Variants in SLCO1B1 observed in about 807,000 individuals in gnomAD.
SLCO1B1 encodes the protein OATP-2.
A neutral mutation model predicts 70.1 loss-of-function variants in SLCO1B1; 81 were observed. The ratio of observed to expected loss-of-function variants is 1.16; its 90% CI spans 0.97 to 1.39. SLCO1B1 has a LOEUF of 1.39. Ranked by LOEUF, SLCO1B1 falls within the 40% of genes most tolerant of loss-of-function variation. The pLI, the probability that SLCO1B1 is intolerant of heterozygous loss-of-function variation, is 0.00. For synonymous variants in SLCO1B1, 283 were observed against 271.5 expected, an observed-to-expected ratio of 1.04 and a Z score of -0.42; for missense variants, 895 against 799.6, an observed-to-expected ratio of 1.12 and a Z score of -1.44.
intron 14 of SLCO1B1, among the ~76,000 whole-genome samples, chr12:21,230,435 A>G (rs1249585614): frequency 1.4e-5 from 2 of 146,854 alleles, no homozygotes; most frequent in East Asian, 4.1e-4. Context: ...GGTTCAAGCG[A>G]TTCTCCTGCC....
Position 21,145,473 on chromosome 12 carries a change from A to ATTTTTTTTT in SLCO1B1, c.84+3833_84+3841dup, listed in dbSNP as rs35334634. On this transcript the variant is annotated intron_variant, in intron 2 of 14. Transcript: ENST00000256958. ...TGCCACTTCACCCAGCATTTTTTTC[A>ATTTTTTTTT]TTTTTTTTTTTTTTTTTTTTTTTTT... is the stretch of plus-strand genomic sequence containing the variant. Among the ~76,000 whole-genome samples the ATTTTTTTTT allele has an allele frequency of 3.3e-4, 25 of 76,090 alleles. 1 individual carries two copies. The highest frequency in any genetic ancestry group is 4.4e-4 in the Admixed American group (2 of 4,540). The allele number at this position is 76,090 out of a possible 152,430, so 49.9% of individuals were successfully genotyped here. A position where few individuals can be genotyped will look rare whatever the true frequency, so the allele number is the denominator to read the frequency against.
intron 2 of SLCO1B1, among the ~76,000 whole-genome samples, chr12:21,143,848 G>T (rs1270568225): frequency 6.6e-6 from 1 of 151,978 alleles, no homozygotes; most frequent in Non-Finnish European, 1.5e-5. Flanking sequence ...AAATTATTGA[G>T]TGTCAAGCAA....
intron 12 of SLCO1B1, 61 bp downstream of exon 12, chr12:21,217,364 T>A: frequency 2.4e-6 from 3 of 1,267,044 alleles, no homozygotes; most frequent in Non-Finnish European, 3.5e-6. Context: ...CCTAATGATA[T>A]GCATATTTTT....
intron 5 of SLCO1B1, 68 bp from the exon 6 acceptor site, chr12:21,178,508 A>G (rs1468362991): frequency 9.1e-7 from 1 of 1,097,970 alleles, no homozygotes; most frequent in Non-Finnish European, 1.4e-6. Flanking sequence ...AGAGTTTACA[A>G]GTAGTTAAAT....
intron 2 of SLCO1B1, among the ~76,000 whole-genome samples, chr12:21,167,983 A>AT (rs35034604): frequency 0.31 from 45,337 of 145,320 alleles, 8,611 homozygotes; most frequent in African/African-American, 0.54. Flanking sequence ...TGCGCAGGTA[A>AT]TTTTTTTTTT....
At chr12:21,145,914 T>A (rs1345188116) in intron 2 of SLCO1B1, among the ~76,000 whole-genome samples, 1 of 152,124 alleles carries the variant, frequency 6.6e-6, no homozygotes, top group Non-Finnish European at 1.5e-5. Flanking sequence ...AAGGACTTAC[T>A]TGTAATATCT....
intron 12 of SLCO1B1, among the ~76,000 whole-genome samples, chr12:21,221,648 A>T (rs564433308): frequency 1.3e-5 from 2 of 152,294 alleles, no homozygotes; most frequent in South Asian, 2.1e-4. Context: ...AACAACAAAC[A>T]TATGACAAAA....
At chr12:21,222,542 G>A (rs1240361806) in intron 13 of SLCO1B1, among the ~76,000 whole-genome samples, 178 bp downstream of exon 13, 1 of 150,262 alleles carries the variant, frequency 6.7e-6, no homozygotes, top group Non-Finnish European at 1.5e-5. Flanking sequence ...TTCTATTTCT[G>A]TGATAAATAA....
intron 14 of SLCO1B1, among the ~76,000 whole-genome samples, chr12:21,225,794 G>C (rs1281437820): frequency 6.6e-6 from 1 of 152,114 alleles, no homozygotes; most frequent in Admixed American, 6.6e-5. Flanking sequence ...TTCATTGCTG[G>C]TGGATATGTA....
At chr12:21,174,071 A>ATT (rs1405431715) in intron 3 of SLCO1B1, among the ~76,000 whole-genome samples, 7 of 151,916 alleles carry the variant, frequency 4.6e-5, no homozygotes, top group African/African-American at 1.7e-4. Flanking sequence ...GAAGTTCTTA[A>ATT]TTAAGTTCCG....
At chr12:21,181,989 G>T (rs1940904480) in intron 7 of SLCO1B1, among the ~76,000 whole-genome samples, 2 of 152,088 alleles carry the variant, frequency 1.3e-5, no homozygotes, top group African/African-American at 2.4e-5. Context: ...GAGGGTACAA[G>T]ATGGCCAACT....
chr12:21,153,468 G>T (rs1465530190), intron 2 of SLCO1B1, among the ~76,000 whole-genome samples: 2 of 152,058 alleles, frequency 1.3e-5, no homozygotes, highest in African/African-American at 4.8e-5. Context: ...ACTAATTTTT[G>T]AAATTAGTTG....
At chr12:21,178,308 T>C (rs1940845474) in intron 5 of SLCO1B1, among the ~76,000 whole-genome samples, 1 of 152,170 alleles carries the variant, frequency 6.6e-6, no homozygotes, top group South Asian at 2.1e-4. Context: ...TCTTCCGCCA[T>C]GATTGTGAGG....
chr12:21,232,456 A>G (rs1941548526), intron 14 of SLCO1B1, among the ~76,000 whole-genome samples: 1 of 152,214 alleles, frequency 6.6e-6, no homozygotes, highest in Non-Finnish European at 1.5e-5. Flanking sequence ...AACCTCATCC[A>G]GTATAGGTTT....
intron 14 of SLCO1B1, among the ~76,000 whole-genome samples, chr12:21,235,986 T>C (rs776297310): frequency 1.8e-4 from 27 of 152,182 alleles, no homozygotes; most frequent in Admixed American, 7.2e-4. Context: ...GATTTGTTTT[T>C]TCATGTTGAA....
chr12:21,172,814 A>G (rs1418251144), intron 3 of SLCO1B1, 23 bp downstream of exon 3: 2 of 1,604,012 alleles, frequency 1.2e-6, no homozygotes, highest in Non-Finnish European at 1.7e-6. Flanking sequence ...TTCTATTTTA[A>G]TAACCAAACT....
At chr12:21,134,520 TGGTCTATTCA>T (rs960700626) in intron 1 of SLCO1B1, among the ~76,000 whole-genome samples, 20 of 152,202 alleles carry the variant, frequency 1.3e-4, no homozygotes, top group Non-Finnish European at 2.4e-4. Context: ...AGCCTGTTAT[TGGTCTATTCA>T]GAGATGCAAC....
chr12:21,202,615 C>CTT lies in SLCO1B1; in HGVS notation c.1263_1264dup (p.Tyr422PhefsTer18). 6.2e-7 allele frequency: 1 copy of CTT among 1,612,656 alleles called. No individual in the cohort carries two copies. The highest frequency in any genetic ancestry group is 8.5e-7 in the Non-Finnish European group (1 of 1,179,304). ...GTTTTACTGCTGTGATGTCATTGTC[C>CTT]TTTTACCTATTATATTTTTTCATAC... On this transcript the variant is annotated frameshift_variant, in exon 10 of 15. Transcript: ENST00000256958. LOFTEE classifies it high-confidence loss of function.
intron 2 of SLCO1B1, among the ~76,000 whole-genome samples, chr12:21,172,323 T>C (rs1467331292): frequency 6.6e-6 from 1 of 152,188 alleles, no homozygotes; most frequent in Non-Finnish European, 1.5e-5. Flanking sequence ...AAATAAAGAA[T>C]AGCTCACCAT....
Sources: gnomAD v4.1 joint callset for allele counts (sites outside exome capture counted in the v4.1 genomes callset) on GRCh38, gnomAD v4.1.1 for gene constraint, MANE v1.5 for transcripts, NCBI Gene and HGNC (gene_info 2026-07-23, HGNC 2026-07-21) for gene names.